IREB2: variants seen among roughly 807,000 people sequenced by gnomAD.
IREB2 encodes the protein iron responsive element binding protein 2.
A neutral mutation model predicts 118.8 loss-of-function variants in IREB2; 39 were observed. That is an observed-to-expected ratio of 0.33 (90% CI 0.25 to 0.43). The LOEUF (loss-of-function observed/expected upper bound fraction) is 0.43, where lower values mean the gene tolerates loss of function less well. Among genes scored for constraint, IREB2 ranks in the 20% least tolerant of loss-of-function variants. The pLI is 1.00. For synonymous variants in IREB2, 372 were observed against 392.2 expected, an observed-to-expected ratio of 0.95 and a Z score of 0.61; for missense variants, 900 against 1,147.3, an observed-to-expected ratio of 0.78 and a Z score of 3.11.
intron 2 of IREB2, among the ~76,000 whole-genome samples, chr15:78,448,356 G>A (rs2050965786): frequency 6.6e-6 from 1 of 152,098 alleles, no homozygotes; most frequent in African/African-American, 2.4e-5. Context: ...TGTTGGCCAG[G>A]CTGGTCTCGA....
intron 2 of IREB2, among the ~76,000 whole-genome samples, chr15:78,450,526 A>AGG (rs1333610258): frequency 6.6e-6 from 1 of 152,162 alleles, no homozygotes; most frequent in Non-Finnish European, 1.5e-5. Context: ...GAGTGCAGGC[A>AGG]GGGATCTGAT....
In IREB2 at chr15:78,439,778, T is replaced by C. The variant is rs566524035; in HGVS notation, c.20-17T>C. On this transcript the variant is annotated splice_polypyrimidine_tract_variant and intron_variant, in intron 1 of 21. Coordinates refer to ENST00000258886, the MANE Select transcript of IREB2 (RefSeq NM_004136.4). ...ATTTTGTTGCTGCATTTAATGAAAA[T>C]ACAATTTTTTTTTCAGGATACGCCT... 1.4e-6 allele frequency: 2 copies of C among 1,426,926 alleles called. No individual in the cohort carries two copies. The highest frequency in any genetic ancestry group is 4.6e-5 in the East Asian group (2 of 43,562). The allele number at this position is 1,426,926 out of a possible 1,614,324, so 88.4% of individuals were successfully genotyped here. A position where few individuals can be genotyped will look rare whatever the true frequency, so the allele number is the denominator to read the frequency against.
intron 15 of IREB2, 106 bp from the exon 16 acceptor site, chr15:78,488,541 A>T: frequency 8.5e-7 from 1 of 1,171,448 alleles, no homozygotes. Flanking sequence ...AGCCTGAAGC[A>T]CCCTGTTGAA....
At position 78,478,370 on chromosome 15, in the gene IREB2, T is replaced by C. The variant is rs1566984351; in HGVS notation, c.1269T>C (p.Asn423=). ...KAVKLFRNDQ[N]SSGEPEYSQV... The stretch of plus-strand genomic sequence containing the variant: ...TGAAATTGTTTCGAAATGACCAGAA[T>C]TCTTCAGGAGAACCTGAATACTCCC... Residue 423 remains asparagine, a synonymous_variant, in exon 10 of 22, where the codon AAT becomes AAC. Transcript: ENST00000258886. 2.5e-6 allele frequency: 4 copies of C among 1,609,716 alleles called. No individual in the cohort carries two copies. The highest frequency in any genetic ancestry group is 3.4e-6 in the Non-Finnish European group (4 of 1,176,160).
chr15:78,495,255 T>A (rs1210487373), intron 20 of IREB2, among the ~76,000 whole-genome samples: 1 of 152,192 alleles, frequency 6.6e-6, no homozygotes, highest in Non-Finnish European at 1.5e-5. Flanking sequence ...TAAAACAAAA[T>A]CTCATCCTTC....
At position 78,490,653 on chromosome 15, in the gene IREB2, A is replaced by G; in HGVS notation, c.2216A>G (p.Asn739Ser). The change falls in exon 18 of 22, where the codon AAT (asparagine) becomes AGT (serine). Residue 739 changes from asparagine to serine, a missense_variant. By Grantham distance (46) the Asn-to-Ser change is conservative. Transcript: ENST00000258886. ...KEPIALQAIE[N>S]AHVLLYLGDS... ...CCAATTGCACTCCAGGCTATTGAAA[A>G]TGCCCATGTCTTATTATATTTGGGA... 1 of 1,614,180 alleles carries G rather than the reference A, an allele frequency of 6.2e-7. No individual in the cohort carries two copies. The highest frequency in any genetic ancestry group is 8.5e-7 in the Non-Finnish European group (1 of 1,180,010).
chr15:78,466,920 T>G (rs551036354), intron 5 of IREB2, among the ~76,000 whole-genome samples: 2 of 152,162 alleles, frequency 1.3e-5, no homozygotes, highest in Non-Finnish European at 2.9e-5. Flanking sequence ...CCTATTGCAT[T>G]AAGAGCTCTA....
chr15:78,464,128 G>A (rs1735068071), intron 3 of IREB2, among the ~76,000 whole-genome samples: 1 of 152,172 alleles, frequency 6.6e-6, no homozygotes, highest in African/African-American at 2.4e-5. Context: ...AACTGCAATA[G>A]TCTCTTAACT....
In IREB2 at chr15:78,476,300, G is replaced by C. The variant is rs2051469571; in HGVS notation, c.1136G>C (p.Gly379Ala). The C allele has an allele frequency of 6.2e-7, 1 of 1,606,654 alleles. No homozygotes were observed. The highest frequency in any genetic ancestry group is 1.7e-5 in the Admixed American group (1 of 59,962). Residue 379 changes from glycine to alanine, a missense_variant, in exon 9 of 22, where the codon GGT (glycine) becomes GCT (alanine). Physicochemically the swap from Gly to Ala is moderately conservative, Grantham distance 60. Transcript: ENST00000258886. ...TTIANMCPEY[G>A]AILSFFPVDN... ...ATAGCAAACATGTGTCCGGAATATGGTGCTATCCTCAGCTTTTTCCCTGTT... is the reference window on the plus strand; with the variant it reads ...ATAGCAAACATGTGTCCGGAATATGCTGCTATCCTCAGCTTTTTCCCTGTT...
At chr15:78,496,914 A>G (rs973050062) in intron 20 of IREB2, among the ~76,000 whole-genome samples, 2 of 152,202 alleles carry the variant, frequency 1.3e-5, no homozygotes, top group African/African-American at 4.8e-5. Flanking sequence ...AGCAGCAGAA[A>G]GGGATCCGAA....
chr15:78,497,437 ACTCT>A, intron 21 of IREB2, 126 bp downstream of exon 21: 1 of 705,088 alleles, frequency 1.4e-6, no homozygotes, highest in Non-Finnish European at 2.4e-6. Flanking sequence ...ATTTAAGATG[ACTCT>A]CTCTTCCATA....
intron 2 of IREB2, among the ~76,000 whole-genome samples, chr15:78,453,354 G>A (rs190874879): frequency 1.4e-4 from 22 of 151,994 alleles, no homozygotes; most frequent in Non-Finnish European, 2.9e-4. Flanking sequence ...TGCTTCATTC[G>A]TGTTTAAGGA....
chr15:78,488,824 T>C, intron 16 of IREB2, 53 bp downstream of exon 16: 1 of 1,043,440 alleles, frequency 9.6e-7, no homozygotes, highest in Non-Finnish European at 1.4e-6. Flanking sequence ...AGTGTTCTTT[T>C]ATTTCATATA....
intron 2 of IREB2, among the ~76,000 whole-genome samples, chr15:78,460,063 A>G (rs2051172131): frequency 6.6e-6 from 1 of 152,208 alleles, no homozygotes; most frequent in South Asian, 2.1e-4. Context: ...TTGTTTCATC[A>G]GGAGGCAAAT....
intron 21 of IREB2, 59 bp from the exon 22 acceptor site, chr15:78,497,974 C>T (rs2051866203): frequency 3.3e-6 from 3 of 907,390 alleles, no homozygotes; most frequent in African/African-American, 3.3e-5. Context: ...TGGTCTTAAC[C>T]ATCAAGTAGC....
At position 78,487,950 on chromosome 15, in the gene IREB2, A is replaced by T. The variant is rs367862292; in HGVS notation, c.1794+133A>T. ...ACCTCTTGGCAATAGTAACCTGTGA[A>T]TCTTTAAATGATTCAATGAATCATT... On this transcript the variant is annotated intron_variant, in intron 14 of 21. Transcript: ENST00000258886. The T allele has an allele frequency of 1.2e-5, 8 of 665,356 alleles. No homozygotes were observed. The East Asian group carries it at 1.4e-4, about 12-fold the overall frequency. 41.2% of individuals were successfully genotyped at this position (665,356 alleles called of 1,614,324 possible). A position where few individuals can be genotyped will look rare whatever the true frequency, so the allele number is the denominator to read the frequency against.
intron 21 of IREB2, among the ~76,000 whole-genome samples, 191 bp downstream of exon 21, chr15:78,497,502 G>C (rs543453149): frequency 2.0e-4 from 31 of 152,258 alleles, no homozygotes; most frequent in African/African-American, 7.2e-4. Context: ...AAAGTGGAAA[G>C]AACTGGGTGC....
intron 5 of IREB2, among the ~76,000 whole-genome samples, chr15:78,467,274 G>A (rs991932282): frequency 6.6e-6 from 1 of 151,046 alleles, no homozygotes; most frequent in Non-Finnish European, 1.5e-5. Context: ...TTCAAATCTA[G>A]TAAGTCCTTC....
At chr15:78,460,273 C>G (rs763679553) in intron 2 of IREB2, among the ~76,000 whole-genome samples, 1 of 152,194 alleles carries the variant, frequency 6.6e-6, no homozygotes, top group Non-Finnish European at 1.5e-5. Context: ...TGTAATTCTT[C>G]TATAACAAAG....
Sources: gnomAD v4.1 joint callset for allele counts (sites outside exome capture counted in the v4.1 genomes callset) on GRCh38, gnomAD v4.1.1 for gene constraint, MANE v1.5 for transcripts, NCBI Gene and HGNC (gene_info 2026-07-23, HGNC 2026-07-21) for gene names.